RFX7: variants seen among roughly 807,000 people sequenced by gnomAD.
The protein encoded by RFX7 is regulatory factor X7.
RFX7 carries 26 observed loss-of-function variants against 111.8 expected under a neutral mutation model. The observed-to-expected ratio is 0.23, with a 90% CI of 0.17 to 0.32. RFX7 has a LOEUF of 0.32. RFX7 is among the 10% of genes least tolerant of loss of function. The pLI is 1.00. For missense variants in RFX7, 1,573 were observed against 1,772.9 expected, an observed-to-expected ratio of 0.89 and a Z score of 2.02; for synonymous variants, 624 against 624.4, an observed-to-expected ratio of 1.00 and a Z score of 0.01.
At position 56,243,814 on chromosome 15, in the gene RFX7, C is replaced by T. The variant is rs1323367674; in HGVS notation, c.-372G>A. On this transcript the variant is annotated 5_prime_UTR_variant, in exon 1 of 10. Transcript: ENST00000559447. ...CGCCGCCGCCGCCGCCGCTCGCTCC[C>T]GGCCCCGCCGCCGCCGCGGCCGCCG... Among the ~76,000 whole-genome samples the T allele has an allele frequency of 6.8e-6, 1 of 147,272 alleles. No homozygotes were observed. The highest frequency in any genetic ancestry group is 2.5e-5 in the African/African-American group (1 of 40,794).
At chr15:56,237,852 GA>G (rs1420902726) in intron 2 of RFX7, among the ~76,000 whole-genome samples, 1 of 152,158 alleles carries the variant, frequency 6.6e-6, no homozygotes, top group Non-Finnish European at 1.5e-5. Flanking sequence ...TCTGGAACCA[GA>G]AACCATGTTG....
chr15:56,228,451 A>G (rs1418492458), intron 2 of RFX7, among the ~76,000 whole-genome samples: 1 of 152,184 alleles, frequency 6.6e-6, no homozygotes, highest in Non-Finnish European at 1.5e-5. Context: ...CAAACCAAGC[A>G]TCAGAACCAG....
chr15:56,124,615 T>G (rs1289925274), intron 5 of RFX7, among the ~76,000 whole-genome samples: 1 of 152,226 alleles, frequency 6.6e-6, no homozygotes, highest in Non-Finnish European at 1.5e-5. Flanking sequence ...ATTAGTGATG[T>G]TGAGCATTTT....
At chr15:56,201,262 A>C (rs2043190710) in intron 2 of RFX7, among the ~76,000 whole-genome samples, 1 of 152,204 alleles carries the variant, frequency 6.6e-6, no homozygotes, top group African/African-American at 2.4e-5. Flanking sequence ...TCCAAAAAAT[A>C]AAGTCGCCAA....
intron 3 of RFX7, among the ~76,000 whole-genome samples, chr15:56,169,298 T>A (rs1335439866): frequency 6.6e-6 from 1 of 152,224 alleles, no homozygotes; most frequent in Non-Finnish European, 1.5e-5. Context: ...AGAACTTCAA[T>A]ACTCTGCCCT....
At position 56,095,180 on chromosome 15, in the gene RFX7, G is replaced by A. The variant is rs748304572; in HGVS notation, c.2548C>T (p.His850Tyr). 6.2e-7 allele frequency: 1 copy of A among 1,613,842 alleles called. No homozygotes were observed. The highest frequency in any genetic ancestry group is 8.5e-7 in the Non-Finnish European group (1 of 1,179,872). Residue 850 changes from histidine to tyrosine, a missense_variant, in exon 10 of 10, where the codon CAT (histidine) becomes TAT (tyrosine). By Grantham distance (83) the His-to-Tyr change is moderately conservative. Around this residue, in one of 7 missense-constraint regions of RFX7, gnomAD observed 625 missense variants for 632.2 expected, o/e 0.99. Coordinates refer to ENST00000559447, the MANE Select transcript of RFX7 (RefSeq NM_022841.7). ...QESSLNQIQA[H>Y]SSDQLPLQSE... ...TGCAGAGGTAACTGATCTGAAGAAT[G>A]TGCTTGTATTTGATTTAAAGAAGAT... is the stretch of plus-strand genomic sequence containing the variant.
At chr15:56,097,472 G>A (rs1482803134) in intron 9 of RFX7, among the ~76,000 whole-genome samples, 1 of 152,070 alleles carries the variant, frequency 6.6e-6, no homozygotes, top group Non-Finnish European at 1.5e-5. Context: ...AATTATCTTG[G>A]CTGGGTGGGG....
Position 56,106,510 on chromosome 15 carries a change from G to A in RFX7, c.402-2840C>T, listed in dbSNP as rs146684274. Among the ~76,000 whole-genome samples, 252 of 152,280 alleles carry A rather than the reference G, an allele frequency of 1.7e-3. 2 individuals carry two copies. Among genetic ancestry groups the A allele is most frequent in the African/African-American group, 5.8e-3 (242 of 41,538 alleles). ...AGGTTCTCAATTTCTTTAATTTTGT[G>A]AAATGTTAGAATTGAAAAAATAAAT... On this transcript the variant is annotated intron_variant, in intron 5 of 9. Transcript: ENST00000559447.
intron 2 of RFX7, among the ~76,000 whole-genome samples, chr15:56,187,606 G>T (rs1287835770): frequency 6.6e-6 from 1 of 152,162 alleles, no homozygotes; most frequent in African/African-American, 2.4e-5. Context: ...GGTTGCCAAG[G>T]CAGCTTAAAA....
chr15:56,184,884 T>C (rs1271235341), intron 2 of RFX7, among the ~76,000 whole-genome samples: 1 of 152,244 alleles, frequency 6.6e-6, no homozygotes, highest in African/African-American at 2.4e-5. Flanking sequence ...TGCTTACTAC[T>C]ATATTCCCAA....
In RFX7 at chr15:56,115,764, C is replaced by T. The variant is rs527538845; in HGVS notation, c.402-12094G>A. On this transcript the variant is annotated intron_variant, in intron 5 of 9. Coordinates refer to ENST00000559447, the MANE Select transcript of RFX7 (RefSeq NM_022841.7). ...CCATCCTGGCTAAGACGGTGAAATCCTGTCTCTACTAAAAATATAAAAAAA... is the reference window on the plus strand; with the variant it reads ...CCATCCTGGCTAAGACGGTGAAATCTTGTCTCTACTAAAAATATAAAAAAA... Among the ~76,000 whole-genome samples, 17 of 152,044 alleles carry T rather than the reference C, an allele frequency of 1.1e-4. No individual in the cohort carries two copies. The South Asian group carries it at 3.5e-3, about 32-fold the overall frequency.
intron 2 of RFX7, among the ~76,000 whole-genome samples, chr15:56,197,199 C>T (rs2043153089): frequency 6.6e-6 from 1 of 152,072 alleles, no homozygotes; most frequent in Non-Finnish European, 1.5e-5. Flanking sequence ...ATATCCTTTA[C>T]CCCTTTTTCT....
intron 2 of RFX7, among the ~76,000 whole-genome samples, chr15:56,198,517 G>A (rs930334682): frequency 2.6e-5 from 4 of 152,098 alleles, no homozygotes; most frequent in Admixed American, 1.3e-4. Flanking sequence ...TAATAAAGGG[G>A]AAGAGGAATA....
At chr15:56,104,670 GGAGA>G (rs2041805015) in intron 5 of RFX7, among the ~76,000 whole-genome samples, 1 of 152,150 alleles carries the variant, frequency 6.6e-6, no homozygotes, top group African/African-American at 2.4e-5. Context: ...AGTTAAGTTG[GGAGA>G]GACTCAAGAG....
At chr15:56,123,094 C>CT (rs1196390823) in intron 5 of RFX7, among the ~76,000 whole-genome samples, 2 of 152,278 alleles carry the variant, frequency 1.3e-5, no homozygotes, top group African/African-American at 4.8e-5. Context: ...ACAAAATCCC[C>CT]TTTATTCTTC....
intron 5 of RFX7, among the ~76,000 whole-genome samples, chr15:56,133,641 TAA>T (rs1394590338): frequency 6.6e-6 from 1 of 152,154 alleles, no homozygotes; most frequent in Non-Finnish European, 1.5e-5. Context: ...TCCTGTGATT[TAA>T]AACTCTTGTT....
At chr15:56,229,267 TG>T (rs1216620919) in intron 2 of RFX7, among the ~76,000 whole-genome samples, 1 of 152,136 alleles carries the variant, frequency 6.6e-6, no homozygotes, top group Non-Finnish European at 1.5e-5. Context: ...TTGTTGTTGT[TG>T]TTGTTTTGTT....
intron 2 of RFX7, among the ~76,000 whole-genome samples, chr15:56,220,292 G>A (rs1336779040): frequency 2.6e-5 from 4 of 152,056 alleles, no homozygotes; most frequent in African/African-American, 4.8e-5. Flanking sequence ...ATGCAGTGGC[G>A]TGATCTCGGC....
At chr15:56,195,354 A>G (rs1482811588) in intron 2 of RFX7, among the ~76,000 whole-genome samples, 1 of 152,128 alleles carries the variant, frequency 6.6e-6, no homozygotes, top group African/African-American at 2.4e-5. Flanking sequence ...TAAAGTTACT[A>G]AATGCTACTG....
Sources: allele counts gnomAD v4.1 joint callset (sites outside exome capture counted in the v4.1 genomes callset), GRCh38; gene constraint gnomAD v4.1.1; regional missense constraint gnomAD v4.1.1; transcripts MANE v1.5; gene names NCBI Gene and HGNC (gene_info 2026-07-23, HGNC 2026-07-21).